Variants in LYG2 observed in about 807,000 individuals in gnomAD.
The protein encoded by LYG2 is lysozyme g2, also known as lysozyme g-like protein 2.
LYG2 carries 25 observed loss-of-function variants against 22.4 expected under a neutral mutation model. The observed-to-expected ratio is 1.12, with a 90% CI of 0.81 to 1.56. LYG2 has a LOEUF of 1.56. Ranked by LOEUF, LYG2 falls within the 40% of genes most tolerant of loss-of-function variation. The pLI, the probability that LYG2 is intolerant of heterozygous loss-of-function variation, is 0.00. For synonymous variants in LYG2, 88 were observed against 97.0 expected (o/e 0.91, Z 0.55); for missense variants, 266 against 269.5 (o/e 0.99, Z 0.09).
intron 3 of LYG2, among the ~76,000 whole-genome samples, chr2:99,250,596 G>C (rs562888074): frequency 6.6e-6 from 1 of 152,068 alleles, no homozygotes; most frequent in Non-Finnish European, 1.5e-5. Context: ...GGATGGTCTC[G>C]ATCTGCTGAC....
At chr2:99,250,359 A>G (rs1407038318) in intron 3 of LYG2, among the ~76,000 whole-genome samples, 1 of 151,426 alleles carries the variant, frequency 6.6e-6, no homozygotes, top group African/African-American at 2.4e-5. Context: ...TCATTATAAC[A>G]GCATTTTCCA....
upstream of LYG2, among the ~76,000 whole-genome samples, chr2:99,255,745 A>C (rs1559208628): frequency 6.6e-6 from 1 of 152,190 alleles, no homozygotes; most frequent in Non-Finnish European, 1.5e-5. Context: ...ACTTCTGAGA[A>C]AAAGGTGCAA....
intron 6 of LYG2, 28 bp from the exon 7 acceptor site, chr2:99,242,510 C>T: frequency 1.4e-6 from 2 of 1,430,784 alleles, no homozygotes; most frequent in South Asian, 2.4e-5. Context: ...GAATTAGGCT[C>T]AAATATTAAC....
intron 5 of LYG2, 74 bp from the exon 6 acceptor site, chr2:99,244,211 C>G: frequency 1.3e-6 from 2 of 1,487,060 alleles, no homozygotes; most frequent in South Asian, 1.3e-5. Flanking sequence ...AATTTCCTCT[C>G]CTGGTATTCA....
intron 5 of LYG2, 124 bp downstream of exon 5, chr2:99,245,138 G>A: frequency 9.9e-7 from 1 of 1,012,804 alleles, no homozygotes; most frequent in Non-Finnish European, 1.3e-6. Flanking sequence ...TTATGCTGGA[G>A]TACCTGTAGC....
intron 3 of LYG2, among the ~76,000 whole-genome samples, chr2:99,250,418 A>G (rs533245467): frequency 1.5e-5 from 2 of 132,880 alleles, no homozygotes; most frequent in Non-Finnish European, 3.1e-5. Context: ...TCTGTCGCCC[A>G]GGCTGCAGTA....
At chr2:99,256,551 A>G (rs754961092), upstream of LYG2, among the ~76,000 whole-genome samples, 5 of 152,222 alleles carry the variant, frequency 3.3e-5, no homozygotes, top group Non-Finnish European at 7.3e-5. Context: ...GCTAAGTGCA[A>G]TGAGAAAGCT....
chr2:99,256,422 G>A (rs2094036421), upstream of LYG2, among the ~76,000 whole-genome samples: 1 of 152,190 alleles, frequency 6.6e-6, no homozygotes, highest in African/African-American at 2.4e-5. Context: ...AAGGGATATT[G>A]CAGGAGTCTA....
At chr2:99,254,767 T>A (rs1198923093) in intron 2 of LYG2, among the ~76,000 whole-genome samples, 1 of 152,140 alleles carries the variant, frequency 6.6e-6, no homozygotes, top group Admixed American at 6.5e-5. Flanking sequence ...ACTCCTGGGC[T>A]CAAGCGATCC....
intron 3 of LYG2, among the ~76,000 whole-genome samples, chr2:99,252,782 C>T (rs1386749545): frequency 1.3e-5 from 2 of 152,078 alleles, no homozygotes; most frequent in African/African-American, 4.8e-5. Flanking sequence ...CGTGGTGGCT[C>T]ACACCTATAA....
chr2:99,242,428 A>C lies in LYG2; in HGVS notation c.575T>G (p.Ile192Arg), dbSNP rs758578465. Residue 192 changes from isoleucine (I) to arginine (R), a missense_variant, in exon 7 of 7, where the codon ATA becomes AGA. By Grantham distance (97) the Ile-to-Arg change is moderately conservative. Transcript: ENST00000333017. ...GATATCATTGACGAAGTCATTGTCT[A>C]TGTCCGATGGGGTGGCAATCGCTTC... is the stretch of plus-strand genomic sequence containing the variant. ...GIEAIATPSD[I>R]DNDFVNDIIA... 1.2e-6 allele frequency: 2 copies of C among 1,613,600 alleles called. No individual in the cohort carries two copies. The highest frequency in any genetic ancestry group is 1.3e-5 in the African/African-American group (1 of 74,930).
chr2:99,244,195 A>G (rs1171351559), intron 5 of LYG2, 58 bp from the exon 6 acceptor site: 3 of 1,554,994 alleles, frequency 1.9e-6, no homozygotes, highest in East Asian at 2.3e-5. Flanking sequence ...TTTTTCTGCC[A>G]TTCCTAATTT....
chr2:99,247,106 T>C (rs187167426), intron 3 of LYG2, among the ~76,000 whole-genome samples: 7 of 152,318 alleles, frequency 4.6e-5, no homozygotes, highest in Admixed American at 1.3e-4. Context: ...TTTTCCTTTT[T>C]TTAAGAGACA....
intron 4 of LYG2, 22 bp downstream of exon 4, chr2:99,246,658 A>G (rs1445761613): frequency 2.5e-6 from 4 of 1,603,702 alleles, no homozygotes; most frequent in Non-Finnish European, 3.4e-6. Flanking sequence ...GAAGCCAGTC[A>G]TTTGCTCTGC....
At chr2:99,250,290 T>G (rs2094023754) in intron 3 of LYG2, among the ~76,000 whole-genome samples, 1 of 151,946 alleles carries the variant, frequency 6.6e-6, no homozygotes, top group Non-Finnish European at 1.5e-5. Flanking sequence ...AAAATAGTCC[T>G]TAAACATATA....
At chr2:99,256,230 G>A (rs2094036089), upstream of LYG2, among the ~76,000 whole-genome samples, 1 of 152,140 alleles carries the variant, frequency 6.6e-6, no homozygotes, top group South Asian at 2.1e-4. Context: ...ATTCACTTCT[G>A]CCCTGCCTGC....
At chr2:99,253,048 CAA>C (rs35859472) in intron 3 of LYG2, among the ~76,000 whole-genome samples, 8 of 67,272 alleles carry the variant, frequency 1.2e-4, no homozygotes, top group Non-Finnish European at 1.7e-4. Context: ...GACTCTGTCT[CAA>C]AAAAAAAAAA....
At chr2:99,251,774 C>A (rs1451307352) in intron 3 of LYG2, among the ~76,000 whole-genome samples, 1 of 151,884 alleles carries the variant, frequency 6.6e-6, no homozygotes, top group Non-Finnish European at 1.5e-5. Flanking sequence ...AGGAAATGTT[C>A]AAGATGAACC....
At chr2:99,248,276 T>C (rs2105272246) in intron 3 of LYG2, among the ~76,000 whole-genome samples, 1 of 152,282 alleles carries the variant, frequency 6.6e-6, no homozygotes, top group African/African-American at 2.4e-5. Flanking sequence ...TAAAGACACA[T>C]GCACACGTAT....
Sources: allele counts gnomAD v4.1 joint callset (sites outside exome capture counted in the v4.1 genomes callset), GRCh38; gene constraint gnomAD v4.1.1; transcripts MANE v1.5; gene names NCBI Gene and HGNC (gene_info 2026-07-23, HGNC 2026-07-21).